RNF38: variants seen among roughly 807,000 people sequenced by gnomAD.
RNF38 encodes the protein E3 ubiquitin-protein ligase RNF38.
Under a neutral mutation model 67.2 loss-of-function variants are expected in RNF38, and 15 were observed. That is an observed-to-expected ratio of 0.22 (90% CI 0.15 to 0.34). RNF38 has a LOEUF of 0.34. RNF38 is among the 10% of genes least tolerant of loss of function. The pLI is 1.00. For missense variants in RNF38, 524 were observed against 639.9 expected (o/e 0.82, Z 1.95); for synonymous variants, 220 against 218.8 (o/e 1.01, Z -0.05).
intron 4 of RNF38, among the ~76,000 whole-genome samples, chr9:36,363,698 G>A (rs1834730338): frequency 1.0e-5 from 1 of 99,492 alleles, no homozygotes; most frequent in African/African-American, 3.0e-5. Context: ...CAAGATGGCA[G>A]AGAGCCTACT....
intron 1 of RNF38, among the ~76,000 whole-genome samples, chr9:36,441,713 A>ACT (rs1839195423): frequency 2.6e-5 from 2 of 77,372 alleles, no homozygotes; most frequent in Admixed American, 2.9e-4. Context: ...TCATATACAT[A>ACT]CTCCTCAATT....
chr9:36,356,566 C>T, intron 5 of RNF38, 93 bp from the exon 6 acceptor site: 1 of 1,044,736 alleles, frequency 9.6e-7, no homozygotes. Context: ...ATTGTCACAC[C>T]TCTCCCAAAA....
chr9:36,405,937 G>A (rs76486911), upstream of RNF38, among the ~76,000 whole-genome samples: 2,352 of 152,240 alleles, frequency 0.015, 36 homozygotes, highest in East Asian at 0.081. Flanking sequence ...GACCAGTTTT[G>A]CATTTCTAGA....
At chr9:36,388,014 T>C (rs1029463244) in intron 2 of RNF38, among the ~76,000 whole-genome samples, 6 of 151,986 alleles carry the variant, frequency 3.9e-5, no homozygotes, top group Non-Finnish European at 8.8e-5. Context: ...GATACACTAG[T>C]AGGGATGAAT....
intron 1 of RNF38, among the ~76,000 whole-genome samples, chr9:36,466,062 A>G (rs1050973154): frequency 6.6e-6 from 1 of 152,022 alleles, no homozygotes; most frequent in Non-Finnish European, 1.5e-5. Context: ...GTGAAAAAGT[A>G]AAAAAAAGTA....
intron 9 of RNF38, among the ~76,000 whole-genome samples, chr9:36,345,201 TTTC>T (rs1034611694): frequency 1.3e-5 from 2 of 152,164 alleles, no homozygotes; most frequent in African/African-American, 4.8e-5. Context: ...TTTTTAAATG[TTTC>T]TTATGAAAAA....
intron 3 of RNF38, among the ~76,000 whole-genome samples, chr9:36,370,587 T>C (rs1002259350): frequency 2.6e-5 from 4 of 152,184 alleles, no homozygotes; most frequent in Non-Finnish European, 5.9e-5. Context: ...AAGGTATATA[T>C]ACTTACATAG....
upstream of RNF38, chr9:36,401,152 T>A: frequency 1.0e-6 from 1 of 982,684 alleles, no homozygotes; most frequent in Non-Finnish European, 1.2e-6. Flanking sequence ...TCCCCCAGGC[T>A]CCGCACCGCG....
intron 9 of RNF38, among the ~76,000 whole-genome samples, chr9:36,345,764 T>C (rs910708271): frequency 2.0e-5 from 3 of 152,200 alleles, no homozygotes; most frequent in Admixed American, 6.5e-5. Flanking sequence ...AACAAATCCG[T>C]AACTTACCAT....
At chr9:36,485,277 T>C (rs1016741154) in intron 1 of RNF38, among the ~76,000 whole-genome samples, 1 of 150,130 alleles carries the variant, frequency 6.7e-6, no homozygotes, top group African/African-American at 2.5e-5. Context: ...CTTATTTTCT[T>C]GAACAAGTGT....
At chr9:36,406,672 T>C (rs116781006) in intron 2 of RNF38, among the ~76,000 whole-genome samples, 3,998 of 152,312 alleles carry the variant, frequency 0.026, 157 homozygotes, top group African/African-American at 0.085. Context: ...TTCACAGCAG[T>C]GGCTGATTCT....
At chr9:36,363,994 C>T (rs1587512174) in intron 4 of RNF38, among the ~76,000 whole-genome samples, 2 of 94,176 alleles carry the variant, frequency 2.1e-5, no homozygotes, top group Middle Eastern at 9.0e-3. Flanking sequence ...CCACGTCTGG[C>T]TAACTTTCGT....
chr9:36,454,249 T>C (rs574032620), intron 1 of RNF38, among the ~76,000 whole-genome samples: 32 of 152,094 alleles, frequency 2.1e-4, no homozygotes, highest in African/African-American at 7.5e-4. Flanking sequence ...TCAGCCTCTG[T>C]TGTAACTGGG....
intron 9 of RNF38, among the ~76,000 whole-genome samples, chr9:36,345,465 T>C (rs1372291838): frequency 6.6e-6 from 1 of 152,168 alleles, no homozygotes; most frequent in East Asian, 1.9e-4. Flanking sequence ...CTACAGGATG[T>C]TTTGCAGCAT....
At chr9:36,456,665 A>T (rs959962535) in intron 1 of RNF38, among the ~76,000 whole-genome samples, 3 of 151,908 alleles carry the variant, frequency 2.0e-5, no homozygotes, top group African/African-American at 7.3e-5. Flanking sequence ...TTCACCTCTC[A>T]ACCTACTGGA....
intron 1 of RNF38, among the ~76,000 whole-genome samples, chr9:36,457,622 A>G (rs1034927859): frequency 6.6e-6 from 1 of 152,162 alleles, no homozygotes; most frequent in Non-Finnish European, 1.5e-5. Flanking sequence ...TAAGTTTATC[A>G]GGGGACTGGG....
exon 1 of RNF38, chr9:36,487,413 G>A: frequency 2.0e-6 from 2 of 981,516 alleles, no homozygotes; most frequent in Non-Finnish European, 2.4e-6. Context: ...TCCGGCCGGG[G>A]CGGCGGCGGT....
intron 1 of RNF38, among the ~76,000 whole-genome samples, chr9:36,396,282 A>G (rs1415363194): frequency 6.6e-6 from 1 of 152,250 alleles, no homozygotes; most frequent in Non-Finnish European, 1.5e-5. Context: ...TTGATCAAGG[A>G]AGAGATCTGA....
intron 1 of RNF38, among the ~76,000 whole-genome samples, chr9:36,433,728 A>C (rs1838991463): frequency 6.6e-6 from 1 of 151,748 alleles, no homozygotes; most frequent in Non-Finnish European, 1.5e-5. Flanking sequence ...ATGACTTTGG[A>C]CATATACAAA....
Sources: gnomAD v4.1 joint callset for allele counts (sites outside exome capture counted in the v4.1 genomes callset) on GRCh38, gnomAD v4.1.1 for gene constraint, MANE v1.5 for transcripts, NCBI Gene and HGNC (gene_info 2026-07-23, HGNC 2026-07-21) for gene names.